The following NUDT3 variants were observed in gnomAD, a reference collection of about 807,000 sequenced individuals.
NUDT3 encodes nudix hydrolase 3, also known as diphosphoinositol polyphosphate phosphohydrolase 1.
In NUDT3, 9 loss-of-function variants were observed where a neutral mutation model predicts 23.6. That is an observed-to-expected ratio of 0.38 (90% CI 0.23 to 0.66). The LOEUF is 0.66. Ranked by LOEUF, NUDT3 falls within the 30% of genes least tolerant of loss-of-function variation. NUDT3 has a pLI of 0.52. For synonymous variants in NUDT3, 86 were observed against 82.6 expected (o/e 1.04, Z -0.22); for missense variants, 172 against 218.5 (o/e 0.79, Z 1.34).
chr6:34,323,148 C>T (rs1455833633), intron 2 of NUDT3, among the ~76,000 whole-genome samples: 1 of 152,034 alleles, frequency 6.6e-6, no homozygotes, highest in South Asian at 2.1e-4. Context: ...ATTATGTTTG[C>T]TATTTGGGTG....
intron 2 of NUDT3, among the ~76,000 whole-genome samples, chr6:34,337,312 T>C (rs545022896): frequency 1.3e-5 from 2 of 152,348 alleles, no homozygotes; most frequent in South Asian, 4.1e-4. Context: ...AGAGCATGCC[T>C]GCAGTCAGAA....
chr6:34,363,029 T>C (rs1207984806), intron 1 of NUDT3, among the ~76,000 whole-genome samples: 2 of 152,200 alleles, frequency 1.3e-5, no homozygotes, highest in Non-Finnish European at 2.9e-5. Context: ...GCTTCAGTTC[T>C]GTATGGCACA....
At position 34,389,859 on chromosome 6, in the gene NUDT3, G is replaced by A. The variant is rs371907062; in HGVS notation, c.99+2405C>T. Among the ~76,000 whole-genome samples, 9 of 152,188 alleles carry A rather than the reference G, an allele frequency of 5.9e-5. No homozygotes were observed. The South Asian group carries it at 1.7e-3, about 28-fold the overall frequency. ...GGCACCTGTAGTCCCAGCTGCTCGG[G>A]AGGCTAAGGCAGGAGAATGGCGTGA... On this transcript the variant is annotated intron_variant, in intron 1 of 4. Transcript: ENST00000607016.
At chr6:34,291,282 TATTTTTTTAAAACGTTCCCC>T (rs1763418109) in intron 4 of NUDT3, among the ~76,000 whole-genome samples, 1 of 152,168 alleles carries the variant, frequency 6.6e-6, no homozygotes, top group African/African-American at 2.4e-5. Flanking sequence ...TAAATAATGC[TATTTTTTTAAAACGTTCCCC>T]GTTTTTTCTT....
intron 1 of NUDT3, among the ~76,000 whole-genome samples, chr6:34,354,689 C>T (rs1353864946): frequency 6.8e-6 from 1 of 146,542 alleles, no homozygotes; most frequent in Non-Finnish European, 1.5e-5. Flanking sequence ...CACCACTGCA[C>T]TCCAGCCTGG....
At chr6:34,351,741 C>CAAAAAAA (rs1017090378) in intron 1 of NUDT3, among the ~76,000 whole-genome samples, 8 of 54,232 alleles carry the variant, frequency 1.5e-4, no homozygotes, top group African/African-American at 2.0e-4. Flanking sequence ...AACTCTGTCT[C>CAAAAAAA]AAAAAAAAAA....
At chr6:34,294,544 T>C (rs540607467) in intron 3 of NUDT3, among the ~76,000 whole-genome samples, 16 of 151,864 alleles carry the variant, frequency 1.1e-4, no homozygotes, top group African/African-American at 3.9e-4. Flanking sequence ...CTGGCCAACA[T>C]GGTGAAACCT....
intron 2 of NUDT3, among the ~76,000 whole-genome samples, chr6:34,327,002 C>A (rs761353519): frequency 6.6e-6 from 1 of 151,840 alleles, no homozygotes; most frequent in Non-Finnish European, 1.5e-5. Flanking sequence ...CAGCTGGGCC[C>A]GGGGGGACTA....
Position 34,390,848 on chromosome 6 carries a change from T to C in NUDT3, c.99+1416A>G, listed in dbSNP as rs374111136. ...TAACATGATATGATAATGAGGAGAATAAAGGCTCTGGAGCAATAAGCACCA... is the reference window on the plus strand; with the variant it reads ...TAACATGATATGATAATGAGGAGAACAAAGGCTCTGGAGCAATAAGCACCA... On this transcript the variant is annotated intron_variant, in intron 1 of 4. Transcript: ENST00000607016. Among the ~76,000 whole-genome samples the C allele has an allele frequency of 9.2e-5, 14 of 152,298 alleles. No homozygotes were observed. The East Asian group carries it at 2.5e-3, about 27-fold the overall frequency.
chr6:34,295,889 T>C (rs1763492200), intron 2 of NUDT3, among the ~76,000 whole-genome samples: 1 of 152,176 alleles, frequency 6.6e-6, no homozygotes, highest in African/African-American at 2.4e-5. Context: ...TCTGGGAAGT[T>C]AGAATGCCTT....
chr6:34,375,160 C>CTGG (rs1561922907), intron 1 of NUDT3, among the ~76,000 whole-genome samples: 31 of 152,066 alleles, frequency 2.0e-4, no homozygotes, highest in Middle Eastern at 3.4e-3. Context: ...CTGACCAACA[C>CTGG]GGTGAAACCC....
intron 1 of NUDT3, among the ~76,000 whole-genome samples, chr6:34,348,372 C>CT (rs1264164662): frequency 6.6e-6 from 1 of 151,844 alleles, no homozygotes; most frequent in East Asian, 1.9e-4. Context: ...GTTCCAGCTA[C>CT]TGGGGAGGCT....
intron 2 of NUDT3, among the ~76,000 whole-genome samples, chr6:34,313,690 CAGTGGCT>C (rs954501993): frequency 6.6e-6 from 1 of 152,046 alleles, no homozygotes; most frequent in Non-Finnish European, 1.5e-5. Flanking sequence ...AGGCCGGGCG[CAGTGGCT>C]CACGCCTGTA....
intron 1 of NUDT3, among the ~76,000 whole-genome samples, chr6:34,372,903 T>C (rs1174430985): frequency 6.6e-6 from 1 of 151,926 alleles, no homozygotes; most frequent in Non-Finnish European, 1.5e-5. Flanking sequence ...TGGCTTAACA[T>C]TGTCATCTAC....
intron 2 of NUDT3, among the ~76,000 whole-genome samples, chr6:34,297,533 A>G (rs1260827883): frequency 3.4e-5 from 5 of 147,856 alleles, no homozygotes; most frequent in Non-Finnish European, 6.0e-5. Flanking sequence ...TGGGGGACAG[A>G]GGTAAGAAAA....
At chr6:34,336,160 T>C (rs1764206319) in intron 2 of NUDT3, among the ~76,000 whole-genome samples, 1 of 151,976 alleles carries the variant, frequency 6.6e-6, no homozygotes, top group African/African-American at 2.4e-5. Flanking sequence ...TCCCCGCTAC[T>C]TGGGAGGCTG....
intron 1 of NUDT3, among the ~76,000 whole-genome samples, chr6:34,350,184 T>C (rs1003214272): frequency 6.6e-6 from 1 of 151,056 alleles, no homozygotes; most frequent in Non-Finnish European, 1.5e-5. Flanking sequence ...ACTGGACATA[T>C]TACTGATTTC....
At chr6:34,326,787 G>C (rs1764038398) in intron 2 of NUDT3, among the ~76,000 whole-genome samples, 1 of 152,020 alleles carries the variant, frequency 6.6e-6, no homozygotes, top group African/African-American at 2.4e-5. Context: ...TTTTAGTAGA[G>C]ACAGGGTTTC....
intron 1 of NUDT3, among the ~76,000 whole-genome samples, chr6:34,386,573 T>C (rs1765110292): frequency 6.6e-6 from 1 of 151,918 alleles, no homozygotes; most frequent in Non-Finnish European, 1.5e-5. Context: ...TAAAGTTTTC[T>C]GGGGCTGGGG....
Sources: allele counts gnomAD v4.1 joint callset (sites outside exome capture counted in the v4.1 genomes callset), GRCh38; gene constraint gnomAD v4.1.1; transcripts MANE v1.5; gene names NCBI Gene and HGNC (gene_info 2026-07-23, HGNC 2026-07-21).